BICC1: variants seen among roughly 807,000 people sequenced by gnomAD.
BICC1 encodes protein bicaudal C homolog 1.
A neutral mutation model predicts 111.0 loss-of-function variants in BICC1; 43 were observed. That is an observed-to-expected ratio of 0.39 (90% CI 0.30 to 0.50). The LOEUF (loss-of-function observed/expected upper bound fraction) is 0.50, where lower values mean the gene tolerates loss of function less well. Ranked by LOEUF, BICC1 falls within the 20% of genes least tolerant of loss-of-function variation. The pLI, the probability that BICC1 is intolerant of heterozygous loss-of-function variation, is 0.88. For missense variants in BICC1, 1,091 were observed against 1,203.2 expected (o/e 0.91, Z 1.38); for synonymous variants, 467 against 434.4 (o/e 1.07, Z -0.93).
chr10:58,584,181 T>C (rs1844368067), intron 1 of BICC1, among the ~76,000 whole-genome samples: 1 of 152,170 alleles, frequency 6.6e-6, no homozygotes, highest in South Asian at 2.1e-4. Flanking sequence ...TTCTTAATGA[T>C]ATCTCAACCA....
chr10:58,702,221 A>G (rs1840259320), intron 3 of BICC1, 78 bp downstream of exon 3: 2 of 1,123,048 alleles, frequency 1.8e-6, no homozygotes, highest in South Asian at 1.3e-5. Context: ...CTGGGGAGAA[A>G]ACTAACCTTT....
chr10:58,739,900 G>T (rs1415432646), intron 3 of BICC1, among the ~76,000 whole-genome samples: 1 of 152,172 alleles, frequency 6.6e-6, no homozygotes, highest in Admixed American at 6.6e-5. Flanking sequence ...GAATTTGACA[G>T]TTGGAACAAG....
intron 3 of BICC1, among the ~76,000 whole-genome samples, chr10:58,744,629 G>A (rs944840144): frequency 3.9e-5 from 6 of 152,040 alleles, no homozygotes; most frequent in Non-Finnish European, 8.8e-5. Flanking sequence ...AGCCATTGAA[G>A]AGGAAGCATA....
At chr10:58,802,830 T>A (rs2132880154) in intron 14 of BICC1, among the ~76,000 whole-genome samples, 1 of 152,320 alleles carries the variant, frequency 6.6e-6, no homozygotes, top group Middle Eastern at 3.4e-3. Context: ...ACAGTCAGAG[T>A]GCCCAATTTC....
intron 3 of BICC1, among the ~76,000 whole-genome samples, chr10:58,743,548 A>C (rs191897829): frequency 1.3e-5 from 2 of 151,930 alleles, no homozygotes; most frequent in African/African-American, 4.8e-5. Context: ...ATTTCCCTTA[A>C]AATACCAGCA....
chr10:58,530,003 C>T (rs1309652512), intron 1 of BICC1, among the ~76,000 whole-genome samples: 1 of 151,232 alleles, frequency 6.6e-6, no homozygotes, highest in African/African-American at 2.4e-5. Context: ...GTGAGGCCAT[C>T]TACAATGGGA....
At chr10:58,691,435 AC>A (rs1232348907) in intron 2 of BICC1, among the ~76,000 whole-genome samples, 2 of 152,156 alleles carry the variant, frequency 1.3e-5, no homozygotes, top group African/African-American at 4.8e-5. Flanking sequence ...TCCCAGAGGA[AC>A]CCCAAGACCT....
intron 3 of BICC1, among the ~76,000 whole-genome samples, chr10:58,728,298 T>C (rs1169414237): frequency 6.6e-6 from 1 of 152,216 alleles, no homozygotes; most frequent in Non-Finnish European, 1.5e-5. Context: ...TTATACATTT[T>C]TGGTTTTCAT....
intron 1 of BICC1, among the ~76,000 whole-genome samples, chr10:58,561,593 TTTG>T (rs1397829643): frequency 6.6e-6 from 1 of 152,064 alleles, no homozygotes; most frequent in African/African-American, 2.4e-5. Context: ...CTCCTGTTAT[TTTG>T]TTGTTTTCTG....
At chr10:58,646,275 T>C (rs918677660) in intron 2 of BICC1, among the ~76,000 whole-genome samples, 1 of 152,182 alleles carries the variant, frequency 6.6e-6, no homozygotes. Context: ...GTTGATCATA[T>C]TGGGGCAAAG....
chr10:58,793,394 A>G (rs1234202616), intron 8 of BICC1, 90 bp from the exon 9 acceptor site: 5 of 1,204,464 alleles, frequency 4.2e-6, no homozygotes, highest in East Asian at 2.4e-5. Context: ...AATCTGTAAA[A>G]TAGTGCATTA....
At chr10:58,634,343 C>T (rs1307306647) in intron 2 of BICC1, among the ~76,000 whole-genome samples, 1 of 152,150 alleles carries the variant, frequency 6.6e-6, no homozygotes, top group African/African-American at 2.4e-5. Context: ...TTCCTGTTCC[C>T]ATTTCTCCAG....
intron 3 of BICC1, among the ~76,000 whole-genome samples, chr10:58,753,460 C>T (rs893417529): frequency 4.6e-5 from 7 of 152,142 alleles, no homozygotes; most frequent in South Asian, 4.1e-4. Flanking sequence ...TAAGCCACCA[C>T]GCCTGGTCAG....
At chr10:58,752,051 A>T (rs1842004911) in intron 3 of BICC1, among the ~76,000 whole-genome samples, 1 of 152,146 alleles carries the variant, frequency 6.6e-6, no homozygotes, top group Non-Finnish European at 1.5e-5. Flanking sequence ...AGTTTTTCTT[A>T]TTTTTAGACA....
At chr10:58,542,795 T>C (rs1175419869) in intron 1 of BICC1, among the ~76,000 whole-genome samples, 1 of 151,804 alleles carries the variant, frequency 6.6e-6, no homozygotes, top group African/African-American at 2.4e-5. Context: ...TAAGGAAATG[T>C]AACTCAAAAC....
At chr10:58,738,341 A>G (rs1386965152) in intron 3 of BICC1, among the ~76,000 whole-genome samples, 1 of 1,622 alleles carries the variant, frequency 6.2e-4, no homozygotes, top group Non-Finnish European at 0.024. Flanking sequence ...TTTATTAAAT[A>G]GGGAACCTTT....
intron 2 of BICC1, among the ~76,000 whole-genome samples, chr10:58,684,791 T>G (rs1203054711): frequency 6.6e-6 from 1 of 152,226 alleles, no homozygotes; most frequent in Admixed American, 6.5e-5. Context: ...CCTAGTGGTC[T>G]ATCCGTTTTG....
intron 4 of BICC1, among the ~76,000 whole-genome samples, chr10:58,786,262 TTTA>T (rs1378823982): frequency 1.3e-5 from 2 of 152,184 alleles, no homozygotes; most frequent in Admixed American, 6.5e-5. Context: ...AGCATTTTTA[TTTA>T]TTATGTCTTA....
intron 2 of BICC1, among the ~76,000 whole-genome samples, chr10:58,670,051 A>G (rs775398661): frequency 8.5e-5 from 13 of 152,178 alleles, no homozygotes; most frequent in Non-Finnish European, 1.3e-4. Context: ...AGTTTTTTTA[A>G]CATTCTAATG....
Sources: gnomAD v4.1 joint callset for allele counts (sites outside exome capture counted in the v4.1 genomes callset) on GRCh38, gnomAD v4.1.1 for gene constraint, MANE v1.5 for transcripts, NCBI Gene and HGNC (gene_info 2026-07-23, HGNC 2026-07-21) for gene names.